ZWILCH: variants seen among roughly 807,000 people sequenced by gnomAD.
ZWILCH encodes the protein protein zwilch homolog.
ZWILCH carries 74 observed loss-of-function variants against 79.9 expected under a neutral mutation model. The observed-to-expected ratio is 0.93, with a 90% CI of 0.77 to 1.12. ZWILCH has a LOEUF of 1.12. Ranked by LOEUF, ZWILCH falls within the 50% of genes most tolerant of loss-of-function variation. The pLI, the probability that ZWILCH is intolerant of heterozygous loss-of-function variation, is 0.00. For synonymous variants in ZWILCH, 241 were observed against 228.2 expected (o/e 1.06, Z -0.51); for missense variants, 694 against 687.5 (o/e 1.01, Z -0.11).
intron 16 of ZWILCH, among the ~76,000 whole-genome samples, chr15:66,538,209 T>G (rs1417837353): frequency 6.6e-6 from 1 of 152,190 alleles, no homozygotes; most frequent in African/African-American, 2.4e-5. Context: ...ATGTCCTCCC[T>G]GTATTTAGTT....
rs75124194 is a variant in ZWILCH at position 66,515,411 on chromosome 15, G to A, written c.202-115G>A. The A allele has an allele frequency of 1.5e-5, 10 of 689,470 alleles. 1 individual carries two copies. Among genetic ancestry groups the A allele is most frequent in the South Asian group, 7.9e-5 (4 of 50,792 alleles). 42.7% of individuals were successfully genotyped at this position (689,470 alleles called of 1,614,324 possible). On this transcript the variant is annotated intron_variant, in intron 3 of 18. Coordinates refer to ENST00000307897, the MANE Select transcript of ZWILCH (RefSeq NM_017975.5). ...AAAACCCAATCATTTGTGCTTAAGG[G>A]TATAAAAATAAGTACATTATGTTCT...
Position 66,505,393 on chromosome 15 carries a change from T to C in ZWILCH, c.53+2T>C. 6.2e-7 allele frequency: 1 copy of C among 1,614,138 alleles called. No homozygotes were observed. Among genetic ancestry groups the C allele is most frequent in the African/African-American group, 1.3e-5 (1 of 75,072 alleles). On this transcript the variant is annotated splice_donor_variant, in intron 1 of 18. Transcript: ENST00000307897. LOFTEE classifies it high-confidence loss of function. ...GGACTTTTATTCTCGTCTCCTTCAG[T>C]GAGTCTAGTCTCTTCTTTTGGCTGG... is the stretch of plus-strand genomic sequence containing the variant.
intron 2 of ZWILCH, among the ~76,000 whole-genome samples, chr15:66,509,366 T>C (rs1464643738): frequency 6.6e-6 from 1 of 152,202 alleles, no homozygotes; most frequent in African/African-American, 2.4e-5. Context: ...TGGCAAACAT[T>C]AATCTATTTT....
Position 66,535,381 on chromosome 15 carries a change from T to C in ZWILCH, c.1342-552T>C, listed in dbSNP as rs74245476. On this transcript the variant is annotated intron_variant, in intron 14 of 18. Coordinates refer to ENST00000307897, the MANE Select transcript of ZWILCH (RefSeq NM_017975.5). ...ATTTTTCAGTTCTATTGTGATCTTA[T>C]AAGACCACTGTAGGCCGGGCGCGGT... 7.6e-4 allele frequency among the ~76,000 whole-genome samples: 116 copies of C among 152,282 alleles called. 1 individual carries two copies. In the East Asian group the frequency reaches 0.022, roughly 29 times the overall value.
chr15:66,520,131 A>C (rs908299533), intron 5 of ZWILCH, among the ~76,000 whole-genome samples: 4 of 151,302 alleles, frequency 2.6e-5, no homozygotes, highest in Non-Finnish European at 5.9e-5. Flanking sequence ...TCTTATTTTT[A>C]GTTTTTTGAG....
intron 14 of ZWILCH, among the ~76,000 whole-genome samples, chr15:66,535,382 A>G (rs1397134275): frequency 6.6e-6 from 1 of 152,194 alleles, no homozygotes; most frequent in East Asian, 1.9e-4. Context: ...GTGATCTTAT[A>G]AGACCACTGT....
intron 3 of ZWILCH, 73 bp downstream of exon 3, chr15:66,514,156 G>A (rs1449564318): frequency 1.8e-5 from 18 of 1,025,998 alleles, no homozygotes; most frequent in Admixed American, 1.2e-4. Context: ...ATAATCTAAC[G>A]TACACGTTTT....
intron 16 of ZWILCH, 39 bp from the exon 17 acceptor site, chr15:66,540,059 T>G (rs775889183): frequency 1.3e-6 from 2 of 1,523,956 alleles, no homozygotes; most frequent in Non-Finnish European, 1.8e-6. Flanking sequence ...AATGGCTGTT[T>G]TTGAAAATTT....
Position 66,519,098 on chromosome 15 carries a change from A to AGTGT in ZWILCH, c.520+29_520+32dup, listed in dbSNP as rs761707641. 1 of 1,600,558 alleles carries AGTGT rather than the reference A, an allele frequency of 6.2e-7. No homozygotes were observed. Among genetic ancestry groups the AGTGT allele is most frequent in the East Asian group, 2.2e-5 (1 of 44,792 alleles). ...GTAAAGGTGAGTGCTCTCTCTAGAG[A>AGTGT]GTGTGTGTGTGTATTTATTCATTTG... On this transcript the variant is annotated intron_variant, in intron 5 of 18. Transcript: ENST00000307897.
chr15:66,544,724 T>G lies in ZWILCH; in HGVS notation c.1688-1867T>G, dbSNP rs75840233. Among the ~76,000 whole-genome samples the G allele has an allele frequency of 2.2e-3, 277 of 128,532 alleles. 1 individual carries two copies. The highest frequency in any genetic ancestry group is 3.5e-3 in the Admixed American group (42 of 11,848). 84.3% of individuals were successfully genotyped at this position (128,532 alleles called of 152,430 possible). On this transcript the variant is annotated intron_variant, in intron 17 of 18. Coordinates refer to ENST00000307897, the MANE Select transcript of ZWILCH (RefSeq NM_017975.5). ...TGTTTTTTTGTTGTTTTTTTGGTTT[T>G]TGTGTGTGTGTGTGTGTGTGTGTGT...
At chr15:66,536,106 T>G in intron 15 of ZWILCH, 37 bp downstream of exon 15, 1 of 1,538,588 alleles carries the variant, frequency 6.5e-7, no homozygotes, top group South Asian at 1.2e-5. Flanking sequence ...TATAGAAATG[T>G]ATTTCTTTTG....
At chr15:66,535,908 T>C in intron 14 of ZWILCH, 25 bp from the exon 15 acceptor site, 5 of 1,583,774 alleles carry the variant, frequency 3.2e-6, no homozygotes, top group Non-Finnish European at 4.3e-6. Context: ...TAAATCTCTA[T>C]TTTGCTTATA....
intron 12 of ZWILCH, 28 bp from the exon 13 acceptor site, chr15:66,532,219 G>A (rs1250331315): frequency 1.3e-6 from 2 of 1,519,738 alleles, no homozygotes; most frequent in Non-Finnish European, 8.8e-7. Context: ...ATTTATTCAT[G>A]GTTTTATAAA....
At chr15:66,513,465 C>T (rs772599265) in intron 2 of ZWILCH, among the ~76,000 whole-genome samples, 4 of 151,904 alleles carry the variant, frequency 2.6e-5, no homozygotes, top group African/African-American at 7.2e-5. Flanking sequence ...ACTGGGGAGG[C>T]TGAGATGGGA....
chr15:66,528,686 C>T (rs1287389724), intron 10 of ZWILCH, among the ~76,000 whole-genome samples, 166 bp from the exon 11 acceptor site: 1 of 151,890 alleles, frequency 6.6e-6, no homozygotes, highest in Non-Finnish European at 1.5e-5. Context: ...TCTTGTTTTT[C>T]ACTGTTGATT....
intron 7 of ZWILCH, among the ~76,000 whole-genome samples, chr15:66,521,842 G>A (rs760243999): frequency 6.6e-6 from 1 of 152,024 alleles, no homozygotes; most frequent in African/African-American, 2.4e-5. Context: ...AACACATCAA[G>A]AATCATTATA....
rs547376227 is a variant in ZWILCH, at chr15:66,543,081, C to T, written c.1687+2871C>T. On this transcript the variant is annotated intron_variant, in intron 17 of 18. Transcript: ENST00000307897. The stretch of plus-strand genomic sequence containing the variant: ...GGGCATGGTGACATGTGCCTATAAT[C>T]CCAGCTACTTGGGATGCTGAGTCAG... Among the ~76,000 whole-genome samples, 4 of 152,240 alleles carry T rather than the reference C, an allele frequency of 2.6e-5. No homozygotes were observed. In the South Asian group the frequency reaches 8.3e-4, roughly 32 times the overall value.
chr15:66,544,727 TGTGTG>T (rs1159040490), intron 17 of ZWILCH, among the ~76,000 whole-genome samples: 10 of 144,948 alleles, frequency 6.9e-5, no homozygotes, highest in Non-Finnish European at 1.5e-4. Context: ...TTGGTTTTTG[TGTGTG>T]TGTGTGTGTG....
At chr15:66,525,756 C>CTTTTTTTTTTTTTTTT (rs66835007) in intron 8 of ZWILCH, among the ~76,000 whole-genome samples, 1 of 93,478 alleles carries the variant, frequency 1.1e-5, no homozygotes, top group Non-Finnish European at 2.0e-5. Flanking sequence ...TCACATTTTT[C>CTTTTTTTTTTTTTTTT]TTTTTTTTTT....
Sources: allele counts gnomAD v4.1 joint callset (sites outside exome capture counted in the v4.1 genomes callset), GRCh38; gene constraint gnomAD v4.1.1; transcripts MANE v1.5; gene names NCBI Gene and HGNC (gene_info 2026-07-23, HGNC 2026-07-21).